PCDHA3: variants seen among roughly 807,000 people sequenced by gnomAD.
PCDHA3 encodes the protein protocadherin alpha-3.
PCDHA3 carries 41 observed loss-of-function variants against 62.2 expected under a neutral mutation model. The ratio of observed to expected loss-of-function variants is 0.66; its 90% CI spans 0.51 to 0.86. The LOEUF (loss-of-function observed/expected upper bound fraction) is 0.86, where lower values mean the gene tolerates loss of function less well. Ranked by LOEUF, PCDHA3 falls within the 40% of genes least tolerant of loss-of-function variation. The probability of loss-of-function intolerance (pLI) is 0.00; values close to 1 mark genes in which losing one functional copy is unlikely to be tolerated. For missense variants in PCDHA3, 1,304 were observed against 1,241.2 expected (o/e 1.05, Z -0.76); for synonymous variants, 640 against 555.4 (o/e 1.15, Z -2.14).
At chr5:140,986,738 G>T (rs1483741648) in intron 3 of PCDHA3, among the ~76,000 whole-genome samples, 1 of 152,168 alleles carries the variant, frequency 6.6e-6, no homozygotes, top group Admixed American at 6.5e-5. Flanking sequence ...AAGACCCCAG[G>T]GGATCTGGGA....
intron 1 of PCDHA3, among the ~76,000 whole-genome samples, chr5:140,965,996 A>G (rs2095956267): frequency 6.6e-6 from 1 of 152,102 alleles, no homozygotes; most frequent in South Asian, 2.1e-4. Context: ...TGCAGTACTT[A>G]AGAGTGTCCA....
At chr5:140,870,019 A>C (rs371365026) in intron 1 of PCDHA3, 6 of 1,613,574 alleles carry the variant, frequency 3.7e-6, no homozygotes, top group Non-Finnish European at 5.1e-6. Context: ...GGTCAATGGA[A>C]CTTTAGATTA....
Position 141,010,037 on chromosome 5 carries a change from C to A in PCDHA3, c.*100C>A. The A allele has an allele frequency of 1.3e-6, 2 of 1,582,242 alleles. No individual in the cohort carries two copies. The highest frequency in any genetic ancestry group is 1.2e-5 in the South Asian group (1 of 84,630). On this transcript the variant is annotated 3_prime_UTR_variant, in exon 4 of 4. Transcript: ENST00000522353. ...GCTCCTTTTTCCTATCTACATGAGC[C>A]CTCTTAGAGACCTCAGAAATCTGCA...
At chr5:140,926,598 G>A (rs2083387215) in intron 1 of PCDHA3, 1 of 313,802 alleles carries the variant, frequency 3.2e-6, no homozygotes. Flanking sequence ...CGGGCGGGCG[G>A]CCTCGTCTCT....
At chr5:140,865,422 A>G (rs1381017187) in intron 1 of PCDHA3, 2 of 152,214 alleles carry the variant, frequency 1.3e-5, no homozygotes, top group African/African-American at 4.8e-5. Context: ...AGTAGTGTCT[A>G]CCTAGAAAAA....
At chr5:140,828,726 T>C in intron 1 of PCDHA3, 1 of 1,614,236 alleles carries the variant, frequency 6.2e-7, no homozygotes, top group Non-Finnish European at 8.5e-7. Flanking sequence ...AACTTATTCC[T>C]GACAGCCACA....
intron 1 of PCDHA3, among the ~76,000 whole-genome samples, chr5:140,948,364 G>C (rs1554218529): frequency 6.6e-6 from 1 of 151,472 alleles, no homozygotes; most frequent in African/African-American, 2.4e-5. Flanking sequence ...AAATGACTTA[G>C]GAGGTGTTCC....
intron 1 of PCDHA3, chr5:140,807,982 C>G: frequency 1.2e-6 from 2 of 1,613,432 alleles, no homozygotes; most frequent in Non-Finnish European, 1.7e-6. Context: ...TTAAACTTAA[C>G]GCCTCAGATT....
chr5:140,922,207 T>C (rs1208986922), intron 1 of PCDHA3, among the ~76,000 whole-genome samples: 3 of 152,162 alleles, frequency 2.0e-5, no homozygotes, highest in Non-Finnish European at 2.9e-5. Context: ...AATGAAACTT[T>C]GTAAAACATT....
At chr5:140,861,641 G>T (rs193008750) in intron 1 of PCDHA3, 38 of 298,444 alleles carry the variant, frequency 1.3e-4, no homozygotes, top group Admixed American at 1.2e-3. Flanking sequence ...CAACACAAAA[G>T]AATCTGTTTC....
At chr5:140,989,527 G>A (rs1172019994) in intron 3 of PCDHA3, among the ~76,000 whole-genome samples, 1 of 152,192 alleles carries the variant, frequency 6.6e-6, no homozygotes, top group Non-Finnish European at 1.5e-5. Flanking sequence ...GGGCAGAGGA[G>A]GAAGATAGTT....
chr5:140,927,805 C>T (rs2084654444), intron 1 of PCDHA3: 1 of 1,614,074 alleles, frequency 6.2e-7, no homozygotes, highest in South Asian at 1.1e-5. Context: ...GCCTGAAACG[C>T]TCTTGGAGGC....
chr5:140,829,627 G>A, intron 1 of PCDHA3: 1 of 1,612,248 alleles, frequency 6.2e-7, no homozygotes, highest in Non-Finnish European at 8.5e-7. Context: ...CGGTGCACGC[G>A]GAGAGCGGCA....
rs77078209 is a variant in PCDHA3 at position 140,927,973 on chromosome 5, C to T, written c.2395-50976C>T. ...CGCTGCCCCTGGCACAGTGATTGCT[C>T]TCTTTAGTGTAAAGGATGAAGACCT... On this transcript the variant is annotated intron_variant, in intron 1 of 3. Transcript: ENST00000522353. The T allele has an allele frequency of 1.9e-6, 3 of 1,614,216 alleles. No individual in the cohort carries two copies. The East Asian group carries it at 6.7e-5, about 36-fold the overall frequency.
chr5:140,856,458 A>G, intron 1 of PCDHA3: 1 of 1,598,416 alleles, frequency 6.3e-7, no homozygotes, highest in South Asian at 1.1e-5. Context: ...GTAACAGAAC[A>G]AAAGCTCTCA....
chr5:140,824,265 A>G lies in PCDHA3; in HGVS notation c.2394+20674A>G, dbSNP rs2150133778. 6 of 1,252,372 alleles carry G rather than the reference A, an allele frequency of 4.8e-6. No individual in the cohort carries two copies. In the East Asian group the frequency reaches 6.9e-5, roughly 14 times the overall value. 77.6% of individuals were successfully genotyped at this position (1,252,372 alleles called of 1,614,324 possible). A position where few individuals can be genotyped will look rare whatever the true frequency, so the allele number is the denominator to read the frequency against. On this transcript the variant is annotated intron_variant, in intron 1 of 3. Coordinates refer to ENST00000522353, the MANE Select transcript of PCDHA3 (RefSeq NM_018906.3). ...TGGTACACAATTATTGCACTAATTC[A>G]TGTATTATATGCTTTTTATGAGGCT...
intron 1 of PCDHA3, chr5:140,869,010 T>A (rs919333995): frequency 4.6e-6 from 7 of 1,523,886 alleles, no homozygotes; most frequent in Middle Eastern, 1.8e-4. Context: ...CCTTTGAAAC[T>A]TCTTAAGAAT....
At chr5:140,822,552 A>G (rs2150117268) in intron 1 of PCDHA3, 1 of 1,613,382 alleles carries the variant, frequency 6.2e-7, no homozygotes, top group Non-Finnish European at 8.5e-7. Context: ...GTGGGACATT[A>G]GTTATTAAAC....
chr5:140,807,080 T>C (rs782597531), intron 1 of PCDHA3: 4 of 1,259,654 alleles, frequency 3.2e-6, no homozygotes, highest in Non-Finnish European at 4.5e-6. Flanking sequence ...ATACACTCTT[T>C]GGAGTCTGAA....
Sources: gnomAD v4.1 joint callset for allele counts (sites outside exome capture counted in the v4.1 genomes callset) on GRCh38, gnomAD v4.1.1 for gene constraint, MANE v1.5 for transcripts, NCBI Gene and HGNC (gene_info 2026-07-23, HGNC 2026-07-21) for gene names.